The following SULT4A1 variants were observed in gnomAD, a reference collection of about 807,000 sequenced individuals.
SULT4A1 encodes the protein sulfotransferase family 4A member 1.
In SULT4A1, 11 loss-of-function variants were observed where a neutral mutation model predicts 35.2. The ratio of observed to expected loss-of-function variants is 0.31; its 90% CI spans 0.20 to 0.52. The LOEUF (loss-of-function observed/expected upper bound fraction) is 0.52, where lower values mean the gene tolerates loss of function less well. Among genes scored for constraint, SULT4A1 ranks in the 20% least tolerant of loss-of-function variants. SULT4A1 has a pLI of 0.97. For missense variants in SULT4A1, 271 were observed against 383.7 expected (o/e 0.71, Z 2.45); for synonymous variants, 152 against 151.8 (o/e 1.00, Z -0.01).
chr22:43,835,593 T>C lies in SULT4A1; in HGVS notation c.509-1859A>G, dbSNP rs1286650647. ...CAAGTCACCAACAGGTCAATAATCA[T>C]GGGGGCCCAGACAGGGAAGCCCAAG... On this transcript the variant is annotated intron_variant, in intron 4 of 6. Transcript: ENST00000330884. Among the ~76,000 whole-genome samples, 8 of 152,172 alleles carry C rather than the reference T, an allele frequency of 5.3e-5. 1 individual carries two copies. In the East Asian group the frequency reaches 1.5e-3, roughly 29 times the overall value.
intron 6 of SULT4A1, chr22:43,828,659 GA>G (rs2063305019): frequency 5.7e-6 from 1 of 175,356 alleles, no homozygotes; most frequent in Admixed American, 6.3e-5. Flanking sequence ...GTCAGTTAGA[GA>G]CTGAGAAACC....
intron 6 of SULT4A1, chr22:43,827,623 G>A (rs371099646): frequency 9.5e-6 from 13 of 1,366,276 alleles, no homozygotes; most frequent in Admixed American, 7.6e-5. Context: ...AAGATCTTCC[G>A]AGCAAAGACG....
chr22:43,826,228 G>T, intron 6 of SULT4A1, 115 bp from the exon 7 acceptor site: 2 of 1,512,484 alleles, frequency 1.3e-6, no homozygotes, highest in Admixed American at 2.2e-5. Context: ...GGATCCCTTT[G>T]AACTTGGCCT....
At chr22:43,839,142 G>T in intron 3 of SULT4A1, 149 bp from the exon 4 acceptor site, 1 of 1,001,824 alleles carries the variant, frequency 1.0e-6, no homozygotes, top group Non-Finnish European at 1.5e-6. Context: ...GTGCACGGCT[G>T]CTGGGTGCTG....
intron 1 of SULT4A1, among the ~76,000 whole-genome samples, chr22:43,842,604 A>T (rs1486875379): frequency 6.6e-6 from 1 of 152,212 alleles, no homozygotes; most frequent in Non-Finnish European, 1.5e-5. Flanking sequence ...ACGGAACTGC[A>T]GACACAGCAT....
In SULT4A1 at chr22:43,825,469, A is replaced by T. The variant is rs2063280579; in HGVS notation, c.*532T>A. ...ATAAACAAGTGTCCAGATTCCCCCC[A>T]ACAGACCCAACTCATCCTCTGTTCT... On this transcript the variant is annotated 3_prime_UTR_variant, in exon 7 of 7. Transcript: ENST00000330884. 6.6e-6 allele frequency: 1 copy of T among 152,490 alleles called. No homozygotes were observed. Among genetic ancestry groups the T allele is most frequent in the African/African-American group, 2.4e-5 (1 of 41,446 alleles). 9.4% of individuals were successfully genotyped at this position (152,490 alleles called of 1,614,324 possible).
intron 1 of SULT4A1, among the ~76,000 whole-genome samples, chr22:43,858,525 T>C (rs1243811013): frequency 1.3e-5 from 2 of 152,100 alleles, no homozygotes; most frequent in African/African-American, 4.8e-5. Context: ...AACTTCTCAG[T>C]TCTTCTGGTA....
Position 43,825,028 on chromosome 22 carries a change from C to T in SULT4A1, c.*973G>A, listed in dbSNP as rs971852308. ...ACCTGATCCGAGTGAAACAGGGCTACACTCGCAAAATGGTCCTCCCACGGC... is the reference window on the plus strand; with the variant it reads ...ACCTGATCCGAGTGAAACAGGGCTATACTCGCAAAATGGTCCTCCCACGGC... On this transcript the variant is annotated 3_prime_UTR_variant, in exon 7 of 7. Transcript: ENST00000330884. The T allele has an allele frequency of 6.6e-6, 1 of 152,254 alleles. No individual in the cohort carries two copies. The allele number at this position is 152,254 out of a possible 1,614,324, so 9.4% of individuals were successfully genotyped here. A position where few individuals can be genotyped will look rare whatever the true frequency, so the allele number is the denominator to read the frequency against.
chr22:43,835,319 G>A (rs2063361824), intron 4 of SULT4A1, among the ~76,000 whole-genome samples: 1 of 152,238 alleles, frequency 6.6e-6, no homozygotes. Context: ...CACTGTGACG[G>A]TTTCTTCCAC....
intron 1 of SULT4A1, among the ~76,000 whole-genome samples, chr22:43,847,498 C>A (rs1215685040): frequency 6.6e-6 from 1 of 152,238 alleles, no homozygotes; most frequent in African/African-American, 2.4e-5. Flanking sequence ...GAGCCCTGCA[C>A]AGCCCCTCCA....
intron 1 of SULT4A1, among the ~76,000 whole-genome samples, chr22:43,846,057 C>T (rs1001076077): frequency 1.3e-5 from 2 of 152,216 alleles, no homozygotes; most frequent in African/African-American, 2.4e-5. Context: ...CCACTGCCGC[C>T]GTCAGGCAGC....
chr22:43,858,564 T>C (rs1363805481), intron 1 of SULT4A1, among the ~76,000 whole-genome samples: 1 of 152,194 alleles, frequency 6.6e-6, no homozygotes, highest in Non-Finnish European at 1.5e-5. Flanking sequence ...TCTTCAGGCC[T>C]CTGCATTCCC....
intron 4 of SULT4A1, among the ~76,000 whole-genome samples, chr22:43,838,585 G>A (rs947285343): frequency 6.6e-6 from 1 of 152,244 alleles, no homozygotes; most frequent in Non-Finnish European, 1.5e-5. Flanking sequence ...TAGGAAGGAT[G>A]GATGTTTTAA....
At chr22:43,852,732 AAG>A (rs1224908765) in intron 1 of SULT4A1, among the ~76,000 whole-genome samples, 1 of 151,240 alleles carries the variant, frequency 6.6e-6, no homozygotes, top group Non-Finnish European at 1.5e-5. Context: ...GGGAAGCTCT[AAG>A]AGGAAAAGTA....
rs1309878227 is a variant in SULT4A1, at chr22:43,824,515, A to G, written c.*1486T>C. On this transcript the variant is annotated 3_prime_UTR_variant, in exon 7 of 7. Coordinates refer to ENST00000330884, the MANE Select transcript of SULT4A1 (RefSeq NM_014351.4). ...CAGAAACGCTCGACGCAACGCCGGG[A>G]ACATGTCTTTATTAAAGATGCAAGC... The G allele has an allele frequency of 1.3e-5, 2 of 152,092 alleles. No homozygotes were observed. Among genetic ancestry groups the G allele is most frequent in the East Asian group, 3.9e-4 (2 of 5,168 alleles). 9.4% of individuals were successfully genotyped at this position (152,092 alleles called of 1,614,324 possible). A position where few individuals can be genotyped will look rare whatever the true frequency, so the allele number is the denominator to read the frequency against.
At chr22:43,839,587 C>A (rs538273621) in intron 3 of SULT4A1, among the ~76,000 whole-genome samples, 1 of 152,060 alleles carries the variant, frequency 6.6e-6, no homozygotes, top group East Asian at 1.9e-4. Context: ...GACTCCGTCT[C>A]AAAAACAAAA....
At chr22:43,853,861 C>T (rs2049371736) in intron 1 of SULT4A1, among the ~76,000 whole-genome samples, 1 of 152,220 alleles carries the variant, frequency 6.6e-6, no homozygotes, top group Admixed American at 6.5e-5. Flanking sequence ...GAAGAGGCTC[C>T]GCCCCAGGGG....
At chr22:43,827,493 C>A in intron 6 of SULT4A1, 1 of 1,307,128 alleles carries the variant, frequency 7.7e-7, no homozygotes, top group Non-Finnish European at 1.0e-6. Context: ...CAGCTGAGAG[C>A]TCGTCAGAGG....
intron 4 of SULT4A1, among the ~76,000 whole-genome samples, chr22:43,834,331 C>G (rs1394603696): frequency 3.1e-5 from 4 of 127,762 alleles, no homozygotes; most frequent in African/African-American, 8.6e-5. Flanking sequence ...GCTTCCCGCG[C>G]CCCCACCGCG....
Sources: gnomAD v4.1 joint callset for allele counts (sites outside exome capture counted in the v4.1 genomes callset) on GRCh38, gnomAD v4.1.1 for gene constraint, MANE v1.5 for transcripts, NCBI Gene and HGNC (gene_info 2026-07-23, HGNC 2026-07-21) for gene names.